Variants in NLGN4X observed in about 807,000 individuals in gnomAD.
NLGN4X encodes the protein neuroligin-4, X-linked.
NLGN4X carries 3 observed loss-of-function variants against 40.3 expected under a neutral mutation model. That is an observed-to-expected ratio of 0.07 (90% confidence interval 0.03 to 0.19). The LOEUF is 0.19. NLGN4X is among the 10% of genes least tolerant of loss of function. NLGN4X has a pLI of 1.00. For missense variants in NLGN4X, 382 were observed against 708.3 expected (o/e 0.54, Z 5.23); for synonymous variants, 270 against 306.8 (o/e 0.88, Z 1.25).
At chrX:6,160,534 ATT>A (rs35026118) in intron 1 of NLGN4X, among the ~76,000 whole-genome samples, 16 of 99,991 alleles carry the variant, frequency 1.6e-4, no homozygotes, top group East Asian at 3.0e-4. Flanking sequence ...CTATAAAATA[ATT>A]TTTTTTTTTT....
chrX:6,215,687 C>T (rs1216533882), intron 1 of NLGN4X, among the ~76,000 whole-genome samples: 2 of 111,095 alleles, frequency 1.8e-5, no homozygotes, highest in African/African-American at 3.3e-5. Context: ...CCAATTTCAT[C>T]ATGAGTATCC....
At chrX:6,108,519 T>G (rs1192941789) in intron 2 of NLGN4X, among the ~76,000 whole-genome samples, 1 of 109,378 alleles carries the variant, frequency 9.1e-6, no homozygotes, top group Non-Finnish European at 1.9e-5. Context: ...AATAAATAAA[T>G]AAATAAAAAA....
chrX:5,927,452 A>G (rs1034036282), intron 3 of NLGN4X, among the ~76,000 whole-genome samples: 2 of 112,404 alleles, frequency 1.8e-5, no homozygotes, highest in Admixed American at 1.9e-4. Context: ...TTTGGAGTTC[A>G]GCCCAAAGCA....
chrX:6,099,049 A>G (rs776344576), intron 2 of NLGN4X, among the ~76,000 whole-genome samples: 22 of 112,328 alleles, frequency 2.0e-4, no homozygotes, highest in African/African-American at 6.8e-4. Flanking sequence ...AATCTCAGTC[A>G]TGACAACCTA....
chrX:6,068,406 T>C (rs1158808726), intron 2 of NLGN4X, among the ~76,000 whole-genome samples: 1 of 110,791 alleles, frequency 9.0e-6, no homozygotes, highest in African/African-American at 3.3e-5. Flanking sequence ...TGTTGGTCCC[T>C]TCTACAGAGA....
intron 1 of NLGN4X, among the ~76,000 whole-genome samples, chrX:6,198,911 C>T (rs936101489): frequency 9.8e-5 from 11 of 111,695 alleles, no homozygotes; most frequent in Admixed American, 1.9e-4. Flanking sequence ...ATTTTTAAAA[C>T]CTGAGGATAT....
At chrX:5,986,498 G>A (rs2035533025) in intron 3 of NLGN4X, among the ~76,000 whole-genome samples, 1 of 111,510 alleles carries the variant, frequency 9.0e-6, no homozygotes, top group Admixed American at 9.6e-5. Context: ...CATATCTCTT[G>A]GTAGGAAAAG....
intron 5 of NLGN4X, among the ~76,000 whole-genome samples, chrX:5,900,598 A>G (rs2031800440): frequency 1.4e-5 from 1 of 71,226 alleles, no homozygotes; most frequent in Admixed American, 1.9e-4. Flanking sequence ...TTAAAGATAA[A>G]GGTTTCGGTC....
chrX:6,211,790 T>G (rs2147879929), intron 1 of NLGN4X, among the ~76,000 whole-genome samples: 1 of 112,151 alleles, frequency 8.9e-6, no homozygotes, highest in Non-Finnish European at 1.9e-5. Flanking sequence ...GTTTAAAATA[T>G]TCACAAAATC....
At chrX:6,174,057 C>CAAACA (rs775276612) in intron 1 of NLGN4X, among the ~76,000 whole-genome samples, 96 of 110,196 alleles carry the variant, frequency 8.7e-4, no homozygotes, top group Middle Eastern at 9.3e-3. Flanking sequence ...GACTCTGTCT[C>CAAACA]AAACAAAACA....
intron 2 of NLGN4X, among the ~76,000 whole-genome samples, chrX:6,103,727 A>G (rs1307360511): frequency 8.9e-6 from 1 of 111,988 alleles, no homozygotes; most frequent in Non-Finnish European, 1.9e-5. Context: ...TTCAACACCT[A>G]TGAAACCTGA....
At chrX:5,956,625 T>C (rs1476686611) in intron 3 of NLGN4X, among the ~76,000 whole-genome samples, 1 of 111,251 alleles carries the variant, frequency 9.0e-6, no homozygotes, top group East Asian at 2.8e-4. Context: ...CAATCATCTA[T>C]GCCCCAGTTC....
At chrX:5,900,735 A>G (rs1169241557) in intron 5 of NLGN4X, among the ~76,000 whole-genome samples, 1 of 108,042 alleles carries the variant, frequency 9.3e-6, no homozygotes, top group African/African-American at 3.4e-5. Flanking sequence ...TACCATGCAC[A>G]GCTAAATTTT....
chrX:5,933,674 T>C (rs2033635710), intron 3 of NLGN4X, among the ~76,000 whole-genome samples: 1 of 111,674 alleles, frequency 9.0e-6, no homozygotes, highest in South Asian at 3.7e-4. Context: ...AAACTTATGT[T>C]TTCAAAAACA....
At chrX:6,148,251 A>G (rs976906438) in intron 2 of NLGN4X, among the ~76,000 whole-genome samples, 14 of 112,086 alleles carry the variant, frequency 1.2e-4, no homozygotes, top group East Asian at 2.8e-4. Flanking sequence ...TAAACAAAAA[A>G]AGTAGATTTT....
At chrX:6,199,592 C>T (rs887963432) in intron 1 of NLGN4X, among the ~76,000 whole-genome samples, 5 of 111,670 alleles carry the variant, frequency 4.5e-5, no homozygotes, top group Admixed American at 2.9e-4. Flanking sequence ...GTAAGCAACA[C>T]TGCACGGCAG....
chrX:6,078,179 C>T (rs1026632730), intron 2 of NLGN4X, among the ~76,000 whole-genome samples: 2 of 111,783 alleles, frequency 1.8e-5, no homozygotes, highest in Admixed American at 1.9e-4. Flanking sequence ...TCCCTCAAAG[C>T]TATGATCACC....
chrX:6,143,654 T>G (rs1468688368), intron 2 of NLGN4X, among the ~76,000 whole-genome samples: 1 of 112,052 alleles, frequency 8.9e-6, no homozygotes, highest in Non-Finnish European at 1.9e-5. Context: ...TTAGGACAAT[T>G]GGCCATGAGG....
intron 2 of NLGN4X, among the ~76,000 whole-genome samples, chrX:6,053,122 A>G (rs903012645): frequency 8.9e-6 from 1 of 111,809 alleles, no homozygotes; most frequent in African/African-American, 3.2e-5. Context: ...CTGATGAGAC[A>G]AAGAAATCCC....
Sources: allele counts gnomAD v4.1 joint callset (sites outside exome capture counted in the v4.1 genomes callset), GRCh38; gene constraint gnomAD v4.1.1; transcripts MANE v1.5; gene names NCBI Gene and HGNC (gene_info 2026-07-23, HGNC 2026-07-21).